The following DACT2 variants were observed in gnomAD, a reference collection of about 807,000 sequenced individuals.
DACT2 encodes dishevelled binding antagonist of beta catenin 2, also known as dapper homolog 2.
A neutral mutation model predicts 22.2 loss-of-function variants in DACT2; 20 were observed. The ratio of observed to expected loss-of-function variants is 0.90; its 90% CI spans 0.63 to 1.31. The LOEUF is 1.31. Ranked by LOEUF, DACT2 falls within the 50% of genes most tolerant of loss-of-function variation. The probability of loss-of-function intolerance (pLI) is 0.00; values close to 1 mark genes in which losing one functional copy is unlikely to be tolerated. For missense variants in DACT2, 1,048 were observed against 1,061.4 expected, an observed-to-expected ratio of 0.99 and a Z score of 0.18; for synonymous variants, 463 against 479.8, an observed-to-expected ratio of 0.96 and a Z score of 0.46.
At chr6:168,311,646 TCA>T (rs371171255) in intron 1 of DACT2, among the ~76,000 whole-genome samples, 5,389 of 110,228 alleles carry the variant, frequency 0.049, 325 homozygotes, top group African/African-American at 0.17. Context: ...ACACACACAC[TCA>T]CACACACACC....
chr6:168,311,467 C>T (rs1779396050), intron 1 of DACT2, among the ~76,000 whole-genome samples, 183 bp from the exon 2 acceptor site: 1 of 152,064 alleles, frequency 6.6e-6, no homozygotes, highest in Non-Finnish European at 1.5e-5. Context: ...TCCACTGTCA[C>T]AAAAAGAAAG....
chr6:168,310,504 C>G, intron 2 of DACT2, 58 bp from the exon 3 acceptor site: 1 of 1,520,916 alleles, frequency 6.6e-7, no homozygotes, highest in Non-Finnish European at 8.8e-7. Flanking sequence ...CCAGGGCCCC[C>G]TCTCCTCCTG....
intron 2 of DACT2, 100 bp downstream of exon 2, chr6:168,311,052 G>T: frequency 7.2e-7 from 1 of 1,380,040 alleles, no homozygotes; most frequent in Non-Finnish European, 9.4e-7. Context: ...AGGATACCTG[G>T]AATGGAATTT....
chr6:168,313,896 C>T (rs1779484044), intron 1 of DACT2, among the ~76,000 whole-genome samples: 1 of 152,116 alleles, frequency 6.6e-6, no homozygotes, highest in Non-Finnish European at 1.5e-5. Flanking sequence ...GGTCGAGGGG[C>T]TGCAGGACAC....
In DACT2 at chr6:168,307,598, A is replaced by C. The variant is rs757141349; in HGVS notation, c.2159T>G (p.Val720Gly). The change falls in exon 4 of 4, where the codon GTG becomes GGG. Residue 720 changes from valine to glycine, a missense_variant. Val to Gly is a moderately radical substitution (Grantham distance 109). Transcript: ENST00000366795. The surrounding 1 kb of genome is among the most constrained non-coding windows in gnomAD (Gnocchi z 5.3). ...SRDCDLALGY[V>G]AAGHAELAWT... ...GGCCAGCTCCGCATGCCCGGCCGCC[A>C]CATAGCCCAGTGCCAGGTCACAGTC... The C allele has an allele frequency of 3.2e-6, 5 of 1,549,352 alleles. No individual in the cohort carries two copies. The South Asian group carries it at 6.0e-5, about 18-fold the overall frequency.
At chr6:168,305,361 C>A (rs1319627878), downstream of DACT2, among the ~76,000 whole-genome samples, 7 of 152,130 alleles carry the variant, frequency 4.6e-5, no homozygotes, top group South Asian at 4.1e-4. Flanking sequence ...AAAAGACGGG[C>A]ACTGTCAGAA....
intron 1 of DACT2, 115 bp from the exon 2 acceptor site, chr6:168,311,399 G>A (rs1583300123): frequency 2.3e-6 from 3 of 1,277,140 alleles, no homozygotes; most frequent in African/African-American, 1.5e-5. Flanking sequence ...AAGTCCACGC[G>A]AAATACATCT....
Position 168,294,768 on chromosome 6 carries a change from C to T in DACT2, c.659-64G>A, listed in dbSNP as rs1364379998. 7 of 718,196 alleles carry T rather than the reference C, an allele frequency of 9.7e-6. No individual in the cohort carries two copies. In the African/African-American group the frequency reaches 1.1e-4, roughly 12 times the overall value. The allele number at this position is 718,196 out of a possible 1,614,324, so 44.5% of individuals were successfully genotyped here. On this transcript the variant is annotated intron_variant, in intron 3 of 5. Transcript: ENST00000366796. The stretch of plus-strand genomic sequence containing the variant: ...GAACACACCTGCAGCTTCAACGATT[C>T]TGCGATTCTGCAGCTTCAATGATTC...
chr6:168,319,306 A>G, intron 1 of DACT2, 82 bp downstream of exon 1: 1 of 1,134,656 alleles, frequency 8.8e-7, no homozygotes. Flanking sequence ...CCCCCGTCCC[A>G]CTAACACACA....
rs1006109353 is a variant in DACT2 at position 168,310,103 on chromosome 6, G to A, written c.658+65C>T. The A allele has an allele frequency of 2.0e-6, 3 of 1,527,240 alleles. No homozygotes were observed. The African/African-American group carries it at 4.2e-5, about 21-fold the overall frequency. The allele number at this position is 1,527,240 out of a possible 1,614,324, so 94.6% of individuals were successfully genotyped here. A position where few individuals can be genotyped will look rare whatever the true frequency, so the allele number is the denominator to read the frequency against. Reference sequence around the variant, plus strand: ...TCCCCGGCTCTGCCCTCAGCAGCTGGGGACTGCACTCTGCCATCCCCTGTG... The same window carrying A: ...TCCCCGGCTCTGCCCTCAGCAGCTGAGGACTGCACTCTGCCATCCCCTGTG... On this transcript the variant is annotated intron_variant, in intron 3 of 3. Coordinates refer to ENST00000366795, the MANE Select transcript of DACT2 (RefSeq NM_214462.5).
Position 168,308,683 on chromosome 6 carries a change from C to G in DACT2, c.1074G>C (p.Arg358Ser). The part of the protein sequence containing the change: ...KGSEGEQGPL[R>S]HAASPSPQRQ... ...TCTGTGGAGATGGGGACGCTGCATG[C>G]CTTAGAGGTCCCTGTTCTCCCTCGC... The change falls in exon 4 of 4, where the codon AGG becomes AGC. Residue 358 changes from arginine (R) to serine (S), a missense_variant. By Grantham distance (110) the Arg-to-Ser change is moderately radical (BLOSUM62 -1). Transcript: ENST00000366795. The G allele has an allele frequency of 6.5e-7, 1 of 1,546,246 alleles. No homozygotes were observed. The highest frequency in any genetic ancestry group is 1.4e-5 in the African/African-American group (1 of 73,178).
chr6:168,307,581 C>T lies in DACT2; in HGVS notation c.2176G>A (p.Glu726Lys). The T allele has an allele frequency of 1.5e-5, 23 of 1,550,160 alleles. No homozygotes were observed. The highest frequency in any genetic ancestry group is 1.9e-5 in the Non-Finnish European group (22 of 1,146,428). ...GGGGCCTCCTGGGTCCAGGCCAGCT[C>T]CGCATGCCCGGCCGCCACATAGCCC... ...ALGYVAAGHA[E>K]LAWTQEAPVS... The change falls in exon 4 of 4, where the codon GAG becomes AAG. Residue 726 changes from glutamate (E) to lysine (K), a missense_variant. Glu to Lys is a moderately conservative substitution (Grantham distance 56, BLOSUM62 1). Transcript: ENST00000366795. This position sits in a 1 kb window ranked among gnomAD's most constrained non-coding sequence, Gnocchi z 5.3.
downstream of DACT2, chr6:168,306,812 C>T: frequency 1.1e-6 from 1 of 907,972 alleles, no homozygotes; most frequent in Non-Finnish European, 1.3e-6. Flanking sequence ...GATGCCTTCC[C>T]CGCCCAAAGC....
downstream of DACT2, among the ~76,000 whole-genome samples, chr6:168,305,212 A>G (rs1344629155): frequency 6.6e-6 from 1 of 152,144 alleles, no homozygotes; most frequent in African/African-American, 2.4e-5. Flanking sequence ...CAACGGCTGC[A>G]TTTTGTCTGG....
intron 1 of DACT2, among the ~76,000 whole-genome samples, chr6:168,314,026 G>A (rs1400659886): frequency 6.6e-6 from 1 of 152,010 alleles, no homozygotes; most frequent in Non-Finnish European, 1.5e-5. Flanking sequence ...TTGTAACCCC[G>A]ACCGCTGTCC....
Position 168,308,114 on chromosome 6 carries a change from C to T in DACT2, c.1643G>A (p.Arg548Gln), listed in dbSNP as rs147201109. ...TGCCTCCCAGGCCAGGGCTGGCCTCCGCTGGAGCCCGCCCCTCCCTGTGGG... is the reference window on the plus strand; with the variant it reads ...TGCCTCCCAGGCCAGGGCTGGCCTCTGCTGGAGCCCGCCCCTCCCTGTGGG... ...HWPTGRGGLQ[R>Q]RPALAWEAPG... Residue 548 changes from arginine to glutamine, a missense_variant, in exon 4 of 4, where the codon CGG (arginine) becomes CAG (glutamine). Arg to Gln is a conservative substitution (Grantham distance 43). Transcript: ENST00000366795. The T allele has an allele frequency of 4.4e-4, 682 of 1,546,896 alleles. 3 individuals are homozygous for T. In the African/African-American group the frequency reaches 7.3e-3, roughly 17 times the overall value.
intron 3 of DACT2, chr6:168,294,746 C>G: frequency 9.4e-7 from 1 of 1,060,070 alleles, no homozygotes; most frequent in Non-Finnish European, 1.3e-6. Context: ...AGCTACAGAA[C>G]ACACCTGCAG....
downstream of DACT2, among the ~76,000 whole-genome samples, chr6:168,305,703 C>T (rs1248525501): frequency 6.6e-6 from 1 of 152,194 alleles, no homozygotes; most frequent in Non-Finnish European, 1.5e-5. Flanking sequence ...GCCTCACCTG[C>T]TAAGTGGTCC....
chr6:168,307,675 G>A lies in DACT2; in HGVS notation c.2082C>T (p.Phe694=), dbSNP rs377529965. The A allele has an allele frequency of 2.0e-4, 304 of 1,549,578 alleles. 2 individuals carry two copies. The highest frequency in any genetic ancestry group is 5.0e-4 in the Middle Eastern group (3 of 5,986). Residue 694 remains phenylalanine (F), a synonymous_variant, in exon 4 of 4, where the codon TTC becomes TTT. Coordinates refer to ENST00000366795, the MANE Select transcript of DACT2 (RefSeq NM_214462.5). The surrounding 1 kb of genome is among the most constrained non-coding windows in gnomAD (Gnocchi z 5.3). ...GESSDHTTNR[F]GDRESSSSDE... The stretch of plus-strand genomic sequence containing the variant: ...CGCTGCTGCTGGACTCACGGTCTCC[G>A]AATCGGTTGGTGGTGTGGTCACTGG...
Sources: gnomAD v4.1 joint callset for allele counts (sites outside exome capture counted in the v4.1 genomes callset) on GRCh38, gnomAD v4.1.1 for gene constraint, Gnocchi (gnomAD v3.1) non-coding constraint, MANE v1.5 for transcripts, NCBI Gene and HGNC (gene_info 2026-07-23, HGNC 2026-07-21) for gene names.